The following CEP70 variants were observed in gnomAD, a reference collection of about 807,000 sequenced individuals.
CEP70 encodes centrosomal protein 70.
Under a neutral mutation model 90.9 loss-of-function variants are expected in CEP70, and 70 were observed. That is an observed-to-expected ratio of 0.77 (90% CI 0.64 to 0.94). The LOEUF is 0.94. CEP70 is among the 40% of genes least tolerant of loss of function. The probability of loss-of-function intolerance (pLI) is 0.00; values close to 1 mark genes in which losing one functional copy is unlikely to be tolerated. For missense variants in CEP70, 648 were observed against 669.0 expected (o/e 0.97, Z 0.35); for synonymous variants, 220 against 228.3 (o/e 0.96, Z 0.33).
chr3:138,508,736 ATT>A (rs751232055), intron 11 of CEP70, among the ~76,000 whole-genome samples, 192 bp from the exon 12 acceptor site: 353 of 144,362 alleles, frequency 2.4e-3, no homozygotes, highest in African/African-American at 8.4e-3. Flanking sequence ...GTTAAAAAAA[ATT>A]TTTTTTTTTT....
chr3:138,558,329 C>T (rs113247326), intron 6 of CEP70, among the ~76,000 whole-genome samples: 70 of 152,242 alleles, frequency 4.6e-4, no homozygotes, highest in African/African-American at 1.7e-3. Context: ...CACACCACTG[C>T]ACTCCAGGCT....
intron 2 of CEP70, among the ~76,000 whole-genome samples, chr3:138,589,845 A>T (rs2042292188): frequency 6.6e-6 from 1 of 152,172 alleles, no homozygotes; most frequent in African/African-American, 2.4e-5. Context: ...ATATCTGCAA[A>T]ATTGACTTTG....
At chr3:138,564,921 A>T (rs1184168268) in intron 6 of CEP70, among the ~76,000 whole-genome samples, 1 of 152,262 alleles carries the variant, frequency 6.6e-6, no homozygotes, top group Non-Finnish European at 1.5e-5. Context: ...CTGTTTGCAG[A>T]TGACATGATT....
intron 7 of CEP70, among the ~76,000 whole-genome samples, chr3:138,535,414 T>C (rs2038179490): frequency 6.6e-6 from 1 of 152,202 alleles, no homozygotes; most frequent in South Asian, 2.1e-4. Context: ...CTATCTGCTT[T>C]ATATTTTACT....
At chr3:138,504,169 A>G (rs1006123780) in intron 13 of CEP70, among the ~76,000 whole-genome samples, 3 of 152,148 alleles carry the variant, frequency 2.0e-5, no homozygotes, top group Non-Finnish European at 4.4e-5. Flanking sequence ...CATGATTTAC[A>G]CTATTACTAA....
chr3:138,515,467 C>CAAAAAAAAAAAAAAAAA (rs145902706), intron 11 of CEP70, among the ~76,000 whole-genome samples: 2 of 65,392 alleles, frequency 3.1e-5, no homozygotes, highest in African/African-American at 6.1e-5. Flanking sequence ...CATAGAAATG[C>CAAAAAAAAAAAAAAAAA]AAAAAAAAAA....
Position 138,567,983 on chromosome 3 carries a change from G to A in CEP70, c.465+2335C>T, listed in dbSNP as rs143402427. Among the ~76,000 whole-genome samples, 728 of 152,076 alleles carry A rather than the reference G, an allele frequency of 4.8e-3. 4 individuals carry two copies. Among genetic ancestry groups the A allele is most frequent in the African/African-American group, 0.017 (701 of 41,474 alleles). ...AGGCAACCTAGCAACATTCAGGGGC[G>A]GCAATTCCTTGGGTTTGCTGATTTC... On this transcript the variant is annotated intron_variant, in intron 6 of 17. Coordinates refer to ENST00000264982, the MANE Select transcript of CEP70 (RefSeq NM_024491.4).
At chr3:138,516,055 A>C (rs1325924179) in intron 11 of CEP70, among the ~76,000 whole-genome samples, 3 of 152,150 alleles carry the variant, frequency 2.0e-5, no homozygotes, top group African/African-American at 4.8e-5. Flanking sequence ...GCCACCTTTG[A>C]CCATGTCACT....
intron 3 of CEP70, among the ~76,000 whole-genome samples, chr3:138,571,805 G>C: frequency 6.6e-6 from 1 of 152,168 alleles, no homozygotes; most frequent in East Asian, 1.9e-4. Flanking sequence ...TTGAGACAGA[G>C]TCTTGCTCTG....
At position 138,500,349 on chromosome 3, in the gene CEP70, T is replaced by G. The variant is rs753857912; in HGVS notation, c.1537+50A>C. 3 of 1,531,552 alleles carry G rather than the reference T, an allele frequency of 2.0e-6. No individual in the cohort carries two copies. The African/African-American group carries it at 4.2e-5, about 21-fold the overall frequency. The allele number at this position is 1,531,552 out of a possible 1,614,324, so 94.9% of individuals were successfully genotyped here. ...ATTTTTTAATCTACTTTTTGTTAAT[T>G]TATTAAAAATTCTTAAATGGGGGCC... On this transcript the variant is annotated intron_variant, in intron 15 of 17. Transcript: ENST00000264982.
intron 13 of CEP70, among the ~76,000 whole-genome samples, chr3:138,503,434 C>T (rs1012269238): frequency 1.3e-5 from 2 of 152,106 alleles, no homozygotes; most frequent in African/African-American, 4.8e-5. Context: ...ACCTATCTTA[C>T]TCTTTAAAGC....
intron 2 of CEP70, among the ~76,000 whole-genome samples, chr3:138,591,394 A>C (rs544030529): frequency 2.2e-4 from 33 of 152,222 alleles, no homozygotes; most frequent in African/African-American, 7.5e-4. Context: ...AGTCCAAAAC[A>C]TAGTTCCAAG....
At chr3:138,549,072 G>C (rs991481743) in intron 6 of CEP70, among the ~76,000 whole-genome samples, 2 of 152,108 alleles carry the variant, frequency 1.3e-5, no homozygotes, top group African/African-American at 2.4e-5. Flanking sequence ...GGGTCCCCTG[G>C]GAAGCCATTT....
intron 6 of CEP70, among the ~76,000 whole-genome samples, chr3:138,540,220 C>A (rs150736024): frequency 6.6e-6 from 1 of 151,958 alleles, no homozygotes; most frequent in Non-Finnish European, 1.5e-5. Flanking sequence ...TTAGGCCAGG[C>A]GCGGTGGCTC....
intron 2 of CEP70, among the ~76,000 whole-genome samples, chr3:138,588,659 T>G (rs898879329): frequency 3.9e-5 from 6 of 152,244 alleles, no homozygotes; most frequent in Non-Finnish European, 8.8e-5. Context: ...ACAACCACTT[T>G]GTAAATCACT....
chr3:138,509,961 G>A (rs1470288025), intron 11 of CEP70, among the ~76,000 whole-genome samples: 6 of 152,128 alleles, frequency 3.9e-5, no homozygotes, highest in African/African-American at 1.4e-4. Context: ...CAATTTTGAT[G>A]TGCCAAAGAG....
chr3:138,515,459 T>G (rs952664670), intron 11 of CEP70, among the ~76,000 whole-genome samples: 1 of 21,922 alleles, frequency 4.6e-5, no homozygotes, highest in Non-Finnish European at 9.3e-5. Flanking sequence ...ACAAAAGGCA[T>G]AGAAATGCAA....
intron 15 of CEP70, 27 bp downstream of exon 15, chr3:138,500,372 G>A: frequency 6.4e-7 from 1 of 1,551,308 alleles, no homozygotes; most frequent in Non-Finnish European, 8.7e-7. Context: ...TTAAATGGGG[G>A]CCCAAAATGA....
intron 17 of CEP70, chr3:138,496,739 T>C (rs1387058690): frequency 2.0e-6 from 2 of 985,292 alleles, no homozygotes; most frequent in East Asian, 1.1e-4. Flanking sequence ...GATTTAACTT[T>C]CCCAATGTTA....
Sources: allele counts gnomAD v4.1 joint callset (sites outside exome capture counted in the v4.1 genomes callset), GRCh38; gene constraint gnomAD v4.1.1; transcripts MANE v1.5; gene names NCBI Gene and HGNC (gene_info 2026-07-23, HGNC 2026-07-21).